KCNQ1: variants seen among roughly 807,000 people sequenced by gnomAD.
KCNQ1 encodes the protein potassium voltage-gated channel subfamily KQT member 1.
KCNQ1 carries 49 observed loss-of-function variants against 72.4 expected under a neutral mutation model. That is an observed-to-expected ratio of 0.68 (90% confidence interval 0.54 to 0.86). The LOEUF (loss-of-function observed/expected upper bound fraction) is 0.86. Among genes scored for constraint, KCNQ1 ranks in the 40% least tolerant of loss-of-function variants. The pLI is 0.00. For missense variants in KCNQ1, 790 were observed against 945.1 expected (o/e 0.84, Z 2.15); for synonymous variants, 450 against 412.6 (o/e 1.09, Z -1.10).
intron 10 of KCNQ1, among the ~76,000 whole-genome samples, chr11:2,607,097 G>A (rs11826512): frequency 0.012 from 1,871 of 151,754 alleles, 39 homozygotes; most frequent in African/African-American, 0.041. Flanking sequence ...TAAAGACGGG[G>A]TTTCACCATA....
chr11:2,630,886 A>C (rs1849341573), intron 10 of KCNQ1: 2 of 398,390 alleles, frequency 5.0e-6, no homozygotes, highest in Non-Finnish European at 8.8e-6. Flanking sequence ...TATCTTTCAG[A>C]ACTTTGAATA....
chr11:2,832,533 C>A (rs561137858), intron 15 of KCNQ1, among the ~76,000 whole-genome samples: 1 of 152,352 alleles, frequency 6.6e-6, no homozygotes, highest in South Asian at 2.1e-4. Context: ...AGATGGGACG[C>A]AGTCCCCGCC....
chr11:2,560,921 G>A (rs1368234476), intron 2 of KCNQ1, among the ~76,000 whole-genome samples: 1 of 152,132 alleles, frequency 6.6e-6, no homozygotes, highest in African/African-American at 2.4e-5. Flanking sequence ...GTGCCCTGCA[G>A]GACAGATAGG....
chr11:2,693,250 C>T, intron 11 of KCNQ1: 1 of 398,778 alleles, frequency 2.5e-6, no homozygotes, highest in Non-Finnish European at 4.4e-6. Context: ...GCTACCTGTA[C>T]AGCTACCAGG....
rs575936692 is a variant in KCNQ1 at position 2,741,740 on chromosome 11, G to A, written c.1515-27104G>A. On this transcript the variant is annotated intron_variant, in intron 11 of 15. Transcript: ENST00000155840. ...GCTGTGCTCGGGCCGGAGCACAGCC[G>A]GCCTCCTTGCAGGGGCAGCTGCGGG... Among the ~76,000 whole-genome samples the A allele has an allele frequency of 3.3e-5, 5 of 152,370 alleles. No individual in the cohort carries two copies. In the East Asian group the frequency reaches 5.8e-4, roughly 18 times the overall value.
In KCNQ1 at chr11:2,703,492, C is replaced by T. The variant is rs948401259; in HGVS notation, c.1514+41411C>T. 3.3e-5 allele frequency among the ~76,000 whole-genome samples: 5 copies of T among 152,208 alleles called. No homozygotes were observed. The highest frequency in any genetic ancestry group is 1.3e-4 in the Admixed American group (2 of 15,284). On this transcript the variant is annotated intron_variant, in intron 11 of 15. Transcript: ENST00000155840. The surrounding 1 kb of genome is among the most constrained non-coding windows in gnomAD (Gnocchi z 6.4). ...TTGCAAGCCTGTGCACCCGAGAGCACGCACGCACACACGCACTCACAGCTG... is the reference window on the plus strand; with the variant it reads ...TTGCAAGCCTGTGCACCCGAGAGCATGCACGCACACACGCACTCACAGCTG...
In KCNQ1 at chr11:2,624,121, G is replaced by A. The variant is rs1464700397; in HGVS notation, c.1393+35267G>A. 1 of 398,404 alleles carries A rather than the reference G, an allele frequency of 2.5e-6. No individual in the cohort carries two copies. The highest frequency in any genetic ancestry group is 4.4e-6 in the Non-Finnish European group (1 of 226,046). 24.7% of individuals were successfully genotyped at this position (398,404 alleles called of 1,614,324 possible). A position where few individuals can be genotyped will look rare whatever the true frequency, so the allele number is the denominator to read the frequency against. ...GAATTTTGGCCATTCTAATAAGCGTGTAGATATATCACATTTCTTGTTTTA... is the reference window on the plus strand; with the variant it reads ...GAATTTTGGCCATTCTAATAAGCGTATAGATATATCACATTTCTTGTTTTA... On this transcript the variant is annotated intron_variant, in intron 10 of 15. Transcript: ENST00000155840. This position sits in a 1 kb window ranked among gnomAD's most constrained non-coding sequence, Gnocchi z 4.9.
At position 2,658,614 on chromosome 11, in the gene KCNQ1, T is replaced by C. The variant is rs779241879; in HGVS notation, c.1394-3347T>C. The C allele has an allele frequency of 1.2e-4, 46 of 398,390 alleles. No homozygotes were observed. The highest frequency in any genetic ancestry group is 1.8e-4 in the Non-Finnish European group (40 of 226,044). 24.7% of individuals were successfully genotyped at this position (398,390 alleles called of 1,614,324 possible). On this transcript the variant is annotated intron_variant, in intron 10 of 15. Transcript: ENST00000155840. The surrounding 1 kb of genome is among the most constrained non-coding windows in gnomAD (Gnocchi z 4.9). The stretch of plus-strand genomic sequence containing the variant: ...CTGGAGAATGAATAGAAAACCTGGA[T>C]CTAGGCACGGGGTATGCTCGTGGCT...
intron 2 of KCNQ1, among the ~76,000 whole-genome samples, chr11:2,558,479 G>A (rs189997309): frequency 1.2e-4 from 18 of 152,324 alleles, no homozygotes; most frequent in South Asian, 8.3e-4. Flanking sequence ...AGCCCAGTTC[G>A]GAGCAGAGAC....
intron 2 of KCNQ1, among the ~76,000 whole-genome samples, chr11:2,540,246 C>T (rs1383846385): frequency 6.6e-6 from 1 of 152,206 alleles, no homozygotes; most frequent in Non-Finnish European, 1.5e-5. Flanking sequence ...GAGGGCATTA[C>T]ATTCAGATGA....
intron 11 of KCNQ1, among the ~76,000 whole-genome samples, chr11:2,708,030 A>G (rs548075369): frequency 8.0e-4 from 122 of 152,336 alleles, no homozygotes; most frequent in African/African-American, 2.9e-3. Flanking sequence ...CTCCCAAAGC[A>G]CCAGGCCCCT....
At position 2,645,854 on chromosome 11, in the gene KCNQ1, G is replaced by T; in HGVS notation, c.1394-16107G>T. 2.5e-6 allele frequency: 1 copy of T among 398,654 alleles called. No homozygotes were observed. The highest frequency in any genetic ancestry group is 1.3e-4 in the South Asian group (1 of 7,836). 24.7% of individuals were successfully genotyped at this position (398,654 alleles called of 1,614,324 possible). ...TTGCCTGAGGATTCAGGGGATGTGT[G>T]AATTGCCTGAGGATTCAGGGTGATC... On this transcript the variant is annotated intron_variant, in intron 10 of 15. Coordinates refer to ENST00000155840, the MANE Select transcript of KCNQ1 (RefSeq NM_000218.3). The surrounding 1 kb of genome is among the most constrained non-coding windows in gnomAD (Gnocchi z 5.8).
chr11:2,624,619 TACAATTCAGTGA>T lies in KCNQ1; in HGVS notation c.1393+35767_1393+35778del, dbSNP rs1849233266. On this transcript the variant is annotated intron_variant, in intron 10 of 15. Transcript: ENST00000155840. This position sits in a 1 kb window ranked among gnomAD's most constrained non-coding sequence, Gnocchi z 4.9. ...ATTACCATCCTAACCAATTTTAGTG[TACAATTCAGTGA>T]ATGTATTAGATACGTTCACAATGCT... 1 of 398,468 alleles carries T rather than the reference TACAATTCAGTGA, an allele frequency of 2.5e-6. No individual in the cohort carries two copies. The highest frequency in any genetic ancestry group is 1.3e-4 in the South Asian group (1 of 7,860). The allele number at this position is 398,468 out of a possible 1,614,324, so 24.7% of individuals were successfully genotyped here. A position where few individuals can be genotyped will look rare whatever the true frequency, so the allele number is the denominator to read the frequency against.
chr11:2,641,634 C>T (rs2065768254), intron 10 of KCNQ1: 1 of 398,226 alleles, frequency 2.5e-6, no homozygotes, highest in South Asian at 1.3e-4. Flanking sequence ...CAAGCTTTAT[C>T]ATTTAATATA....
At chr11:2,539,863 G>A (rs956820230) in intron 2 of KCNQ1, among the ~76,000 whole-genome samples, 1 of 152,250 alleles carries the variant, frequency 6.6e-6, no homozygotes, top group African/African-American at 2.4e-5. Context: ...TTCGGTGGGG[G>A]TCTCTGGTGC....
Position 2,477,869 on chromosome 11 carries a change from C to T in KCNQ1, c.386+32385C>T, listed in dbSNP as rs916571844. 1.3e-5 allele frequency among the ~76,000 whole-genome samples: 2 copies of T among 152,134 alleles called. No individual in the cohort carries two copies. Among genetic ancestry groups the T allele is most frequent in the South Asian group, 4.1e-4 (2 of 4,824 alleles). ...AAACAAATAAGTGGAAGAAAGGAAT[C>T]CAGTTCTCACGTTAGAATCAACAGG... On this transcript the variant is annotated intron_variant, in intron 1 of 15. Transcript: ENST00000155840. The surrounding 1 kb of genome is among the most constrained non-coding windows in gnomAD (Gnocchi z 5.0).
intron 11 of KCNQ1, among the ~76,000 whole-genome samples, chr11:2,737,020 C>T (rs533149671): frequency 6.6e-6 from 1 of 152,292 alleles, no homozygotes; most frequent in East Asian, 1.9e-4. Flanking sequence ...ACTCCCTGCT[C>T]GGGGATCCCA....
intron 11 of KCNQ1, chr11:2,662,394 C>G (rs981882116): frequency 2.0e-6 from 1 of 505,278 alleles, no homozygotes; most frequent in Non-Finnish European, 3.5e-6. Context: ...TCCCCTGCCC[C>G]CCAAAAAAGA....
At chr11:2,542,365 A>T (rs1463101101) in intron 2 of KCNQ1, among the ~76,000 whole-genome samples, 1 of 152,222 alleles carries the variant, frequency 6.6e-6, no homozygotes, top group Non-Finnish European at 1.5e-5. Flanking sequence ...TGCCCACCAA[A>T]GGCGCGCTAA....
Sources: gnomAD v4.1 joint callset for allele counts (sites outside exome capture counted in the v4.1 genomes callset) on GRCh38, gnomAD v4.1.1 for gene constraint, Gnocchi (gnomAD v3.1) non-coding constraint, MANE v1.5 for transcripts, NCBI Gene and HGNC (gene_info 2026-07-23, HGNC 2026-07-21) for gene names.